The following PUDP variants were observed in gnomAD, a reference collection of about 807,000 sequenced individuals.
The protein encoded by PUDP is pseudouridine-5'-phosphatase.
In PUDP, 8 loss-of-function variants were observed where a neutral mutation model predicts 9.4. That is an observed-to-expected ratio of 0.85 (90% CI 0.50 to 1.53). The LOEUF (loss-of-function observed/expected upper bound fraction) is 1.53, where lower values mean the gene tolerates loss of function less well. Ranked by LOEUF, PUDP falls within the 40% of genes most tolerant of loss-of-function variation. The pLI, the probability that PUDP is intolerant of heterozygous loss-of-function variation, is 0.00. For synonymous variants in PUDP, 99 were observed against 80.7 expected (o/e 1.23, Z -1.22); for missense variants, 188 against 189.7 (o/e 0.99, Z 0.05).
At chrX:7,082,743 T>A (rs1269949976) in intron 2 of PUDP, among the ~76,000 whole-genome samples, 1 of 112,257 alleles carries the variant, frequency 8.9e-6, no homozygotes, top group Admixed American at 9.4e-5. Context: ...ATCCTAAGGG[T>A]GCCTGGCCCG....
chrX:6,942,727 C>G (rs146464845), intron 3 of PUDP, among the ~76,000 whole-genome samples: 3 of 111,681 alleles, frequency 2.7e-5, no homozygotes, highest in African/African-American at 9.7e-5. Context: ...AGCCCTAAAT[C>G]CAGTAAGTGG....
rs1410945945 is a variant in PUDP at position 6,960,389 on chromosome X, G to A, written c.*247+16744C>T. On this transcript the variant is annotated intron_variant and NMD_transcript_variant, in intron 3 of 3. Transcript: ENST00000655425. ...ATATAAGGCCAAGTTCCGCCTCCTC[G>A]TTCTCTCTCTCTTTGAGGCAGGGTC... Among the ~76,000 whole-genome samples, 13 of 111,674 alleles carry A rather than the reference G, an allele frequency of 1.2e-4. No individual in the cohort carries two copies. In the South Asian group the frequency reaches 4.9e-3, roughly 42 times the overall value.
chrX:6,819,808 T>C (rs747010742), intron 3 of PUDP, among the ~76,000 whole-genome samples: 2 of 111,427 alleles, frequency 1.8e-5, no homozygotes, highest in South Asian at 7.5e-4. Context: ...GTTTGCCCCA[T>C]GGTGTCTTTA....
chrX:6,753,015 T>C (rs1925123009), intron 3 of PUDP, among the ~76,000 whole-genome samples: 1 of 111,332 alleles, frequency 9.0e-6, no homozygotes, highest in Non-Finnish European at 1.9e-5. Context: ...TTTTTTTAAG[T>C]GCCTAGACAT....
At chrX:6,959,889 C>T (rs906310521) in intron 3 of PUDP, among the ~76,000 whole-genome samples, 44 of 112,648 alleles carry the variant, frequency 3.9e-4, no homozygotes, top group African/African-American at 1.4e-3. Context: ...AGTTTTGGAC[C>T]TACATTTCTG....
intron 3 of PUDP, among the ~76,000 whole-genome samples, chrX:6,839,707 G>C (rs1926637249): frequency 9.0e-6 from 1 of 111,548 alleles, no homozygotes; most frequent in Non-Finnish European, 1.9e-5. Context: ...TCCGAAAACT[G>C]ACAACATCAA....
intron 3 of PUDP, among the ~76,000 whole-genome samples, chrX:6,763,042 T>A (rs926886695): frequency 8.9e-6 from 1 of 112,413 alleles, no homozygotes; most frequent in Non-Finnish European, 1.9e-5. Flanking sequence ...CCCCTGCCCA[T>A]GAGCTAAATA....
intron 3 of PUDP, among the ~76,000 whole-genome samples, chrX:6,967,904 C>T (rs1372454128): frequency 8.9e-6 from 1 of 112,174 alleles, no homozygotes; most frequent in African/African-American, 3.2e-5. Flanking sequence ...GAGAGGGTCC[C>T]ACCTCACACC....
intron 3 of PUDP, among the ~76,000 whole-genome samples, chrX:6,753,615 C>A (rs940615896): frequency 8.9e-6 from 1 of 112,104 alleles, no homozygotes; most frequent in Non-Finnish European, 1.9e-5. Flanking sequence ...TCCCTTTTCA[C>A]TGCATCCACG....
At chrX:7,100,180 A>G (rs1159783172) in intron 2 of PUDP, among the ~76,000 whole-genome samples, 1 of 106,397 alleles carries the variant, frequency 9.4e-6, no homozygotes, top group African/African-American at 3.5e-5. Flanking sequence ...AGAATAATCA[A>G]GCTGATTCCC....
At chrX:7,057,927 T>C in intron 3 of PUDP, 1 of 529,034 alleles carries the variant, frequency 1.9e-6, no homozygotes, top group Non-Finnish European at 3.1e-6. Context: ...TGTGATGCTC[T>C]CGTGTTCCTC....
intron 3 of PUDP, among the ~76,000 whole-genome samples, chrX:6,870,176 T>A (rs1301482138): frequency 8.9e-6 from 1 of 112,025 alleles, no homozygotes; most frequent in Admixed American, 9.5e-5. Flanking sequence ...GACAAGTTAT[T>A]ATTTAATGGA....
chrX:6,984,405 G>A (rs1240852098), intron 1 of PUDP, among the ~76,000 whole-genome samples: 3 of 111,892 alleles, frequency 2.7e-5, no homozygotes. Context: ...GAATTGGGTG[G>A]TATGTGAATG....
intron 3 of PUDP, among the ~76,000 whole-genome samples, chrX:6,958,674 G>C (rs1433978442): frequency 1.9e-5 from 2 of 104,556 alleles, no homozygotes; most frequent in African/African-American, 7.1e-5. Context: ...GGAGGTTGCA[G>C]TGAGCTGAGA....
chrX:6,739,748 A>G (rs1239671306), intron 3 of PUDP, among the ~76,000 whole-genome samples: 1 of 112,139 alleles, frequency 8.9e-6, no homozygotes, highest in African/African-American at 3.2e-5. Context: ...CTCTTCTCCA[A>G]ATATTTCCTC....
intron 1 of PUDP, among the ~76,000 whole-genome samples, chrX:7,107,975 T>C (rs1023205171): frequency 8.0e-5 from 9 of 112,500 alleles, no homozygotes; most frequent in Non-Finnish European, 1.5e-4. Flanking sequence ...GCCGCTGCAA[T>C]GGTAGGGCCA....
At chrX:6,849,706 G>A (rs1926800493) in intron 3 of PUDP, among the ~76,000 whole-genome samples, 1 of 111,941 alleles carries the variant, frequency 8.9e-6, no homozygotes, top group Admixed American at 9.5e-5. Context: ...TCTTCTAACT[G>A]ATCCAGGTAA....
In PUDP at chrX:6,764,152, C is replaced by T. The variant is rs771676308; in HGVS notation, c.*248-57686G>A. 1.4e-4 allele frequency among the ~76,000 whole-genome samples: 16 copies of T among 111,571 alleles called. No homozygotes were observed. The East Asian group carries it at 2.0e-3, about 14-fold the overall frequency. On this transcript the variant is annotated intron_variant and NMD_transcript_variant, in intron 3 of 3. Coordinates refer to the PUDP transcript ENST00000655425. ...AAGTAATCAAACCATGCTGGCATCA[C>T]GAAATAGGATGGTAAAGGCAGAGAG...
At chrX:7,077,809 C>G (rs1421048766) in intron 2 of PUDP, among the ~76,000 whole-genome samples, 1 of 112,500 alleles carries the variant, frequency 8.9e-6, no homozygotes, top group Non-Finnish European at 1.9e-5. Context: ...GGCCAGGGCA[C>G]CGGGGAAGGC....
Sources: gnomAD v4.1 joint callset for allele counts (sites outside exome capture counted in the v4.1 genomes callset) on GRCh38, gnomAD v4.1.1 for gene constraint, MANE v1.5 for transcripts, NCBI Gene and HGNC (gene_info 2026-07-23, HGNC 2026-07-21) for gene names.